MACROD2: variants seen among roughly 807,000 people sequenced by gnomAD.
The protein encoded by MACROD2 is mono-ADP ribosylhydrolase 2, also known as ADP-ribose glycohydrolase MACROD2.
MACROD2 carries 36 observed loss-of-function variants against 70.4 expected under a neutral mutation model. The observed-to-expected ratio is 0.51, with a 90% CI of 0.39 to 0.68. The LOEUF is 0.68. Among genes scored for constraint, MACROD2 ranks in the 30% least tolerant of loss-of-function variants. The probability of loss-of-function intolerance (pLI) is 0.00; values close to 1 mark genes in which losing one functional copy is unlikely to be tolerated. For missense variants in MACROD2, 496 were observed against 538.4 expected (o/e 0.92, Z 0.78); for synonymous variants, 172 against 178.8 (o/e 0.96, Z 0.30).
At chr20:16,008,396 A>C (rs2066818388) in intron 15 of MACROD2, among the ~76,000 whole-genome samples, 1 of 152,206 alleles carries the variant, frequency 6.6e-6, no homozygotes, top group Non-Finnish European at 1.5e-5. Context: ...CATTTGTCTG[A>C]TTCAAAGCTA....
At chr20:15,326,770 G>C (rs1444540585) in intron 6 of MACROD2, among the ~76,000 whole-genome samples, 2 of 152,116 alleles carry the variant, frequency 1.3e-5, no homozygotes, top group Non-Finnish European at 2.9e-5. Context: ...TACAGAAATA[G>C]CCACAGGTGG....
intron 5 of MACROD2, among the ~76,000 whole-genome samples, chr20:15,174,447 A>G (rs2076444774): frequency 1.3e-5 from 2 of 152,222 alleles, no homozygotes; most frequent in African/African-American, 4.8e-5. Flanking sequence ...TATTGTGAAT[A>G]GTGCCGCAAT....
chr20:15,591,433 T>C (rs1016721298), intron 8 of MACROD2, among the ~76,000 whole-genome samples: 1 of 152,056 alleles, frequency 6.6e-6, no homozygotes, highest in African/African-American at 2.4e-5. Context: ...GACAAGAACC[T>C]GACATGACAC....
intron 8 of MACROD2, among the ~76,000 whole-genome samples, chr20:15,590,021 CTG>C (rs977419905): frequency 6.6e-6 from 1 of 152,048 alleles, no homozygotes; most frequent in African/African-American, 2.4e-5. Context: ...TATTTAATCA[CTG>C]TGATATGAGA....
chr20:15,638,735 G>A (rs1187170795), intron 8 of MACROD2, among the ~76,000 whole-genome samples: 1 of 152,192 alleles, frequency 6.6e-6, no homozygotes, highest in Non-Finnish European at 1.5e-5. Flanking sequence ...CTACTTAAGA[G>A]CTGATAATTA....
At chr20:14,113,027 G>T (rs549621495) in intron 3 of MACROD2, among the ~76,000 whole-genome samples, 1 of 152,006 alleles carries the variant, frequency 6.6e-6, no homozygotes, top group African/African-American at 2.4e-5. Flanking sequence ...CCAAATTTGT[G>T]CCTTTTGAAT....
At chr20:15,145,929 A>G (rs1195114453) in intron 5 of MACROD2, among the ~76,000 whole-genome samples, 1 of 152,132 alleles carries the variant, frequency 6.6e-6, no homozygotes, top group Admixed American at 6.6e-5. Context: ...AATTGTTTAT[A>G]ATAAATGCTT....
chr20:15,709,204 C>T (rs892017588), intron 8 of MACROD2, among the ~76,000 whole-genome samples: 2 of 152,212 alleles, frequency 1.3e-5, no homozygotes, highest in East Asian at 1.9e-4. Context: ...GGCGGTGCAC[C>T]GCAAAGTCGG....
chr20:15,560,424 T>G lies in MACROD2; in HGVS notation c.645+60577T>G, dbSNP rs183339825. Among the ~76,000 whole-genome samples, 147 of 152,326 alleles carry G rather than the reference T, an allele frequency of 9.7e-4. 1 individual carries two copies. Among genetic ancestry groups the G allele is most frequent in the African/African-American group, 3.4e-3 (142 of 41,580 alleles). On this transcript the variant is annotated intron_variant, in intron 8 of 17. Coordinates refer to ENST00000684519, the MANE Select transcript of MACROD2 (RefSeq NM_001351661.2). ...GAAAAGATGTAATGCTAGTGCTAGA[T>G]GCTGGGGGGATTTTGCCATTGAAAA...
chr20:14,417,066 C>CTATCATCTATCTATCT (rs1555789653), intron 3 of MACROD2, among the ~76,000 whole-genome samples: 1 of 132,478 alleles, frequency 7.5e-6, no homozygotes, highest in African/African-American at 2.6e-5. Context: ...ATCTATCTAT[C>CTATCATCTATCTATCT]ATCTATCTAT....
At chr20:14,307,491 A>G (rs548091910) in intron 3 of MACROD2, among the ~76,000 whole-genome samples, 1 of 152,250 alleles carries the variant, frequency 6.6e-6, no homozygotes, top group Admixed American at 6.5e-5. Context: ...TGGTTTGAGA[A>G]ACTATTGCTT....
At chr20:15,502,406 A>T (rs1325195792) in intron 8 of MACROD2, among the ~76,000 whole-genome samples, 2 of 152,156 alleles carry the variant, frequency 1.3e-5, no homozygotes, top group African/African-American at 4.8e-5. Context: ...GCAGGAGACA[A>T]GTTTGGAGAA....
At chr20:15,155,546 T>A (rs977029218) in intron 5 of MACROD2, among the ~76,000 whole-genome samples, 10 of 152,206 alleles carry the variant, frequency 6.6e-5, no homozygotes, top group African/African-American at 1.9e-4. Context: ...AGGAACTTAC[T>A]GACTCTTCCT....
At chr20:15,435,272 T>C (rs2046413622) in intron 7 of MACROD2, among the ~76,000 whole-genome samples, 1 of 152,160 alleles carries the variant, frequency 6.6e-6, no homozygotes, top group South Asian at 2.1e-4. Context: ...TAGACATAAC[T>C]TAAAAATATT....
chr20:15,889,224 G>C (rs2064858957), intron 10 of MACROD2, among the ~76,000 whole-genome samples: 1 of 152,142 alleles, frequency 6.6e-6, no homozygotes, highest in Non-Finnish European at 1.5e-5. Context: ...ATGAATAGGA[G>C]AGCTAGGGAG....
intron 5 of MACROD2, among the ~76,000 whole-genome samples, chr20:15,039,375 AC>A (rs1444035004): frequency 6.6e-6 from 1 of 152,126 alleles, no homozygotes; most frequent in African/African-American, 2.4e-5. Flanking sequence ...TCAGAGAGTA[AC>A]CTTTTCTAGG....
chr20:14,979,056 A>G (rs2074772663), intron 5 of MACROD2, among the ~76,000 whole-genome samples: 1 of 150,368 alleles, frequency 6.7e-6, no homozygotes, highest in Non-Finnish European at 1.5e-5. Context: ...GGCTCAAGTG[A>G]TCCTTCGGCA....
chr20:14,102,055 G>C (rs1295590726), intron 3 of MACROD2, among the ~76,000 whole-genome samples: 1 of 126,256 alleles, frequency 7.9e-6, no homozygotes. Flanking sequence ...TCAGGCTGGA[G>C]TGCAGTGGCA....
chr20:14,647,042 C>T (rs758372185), intron 4 of MACROD2, among the ~76,000 whole-genome samples: 1 of 152,144 alleles, frequency 6.6e-6, no homozygotes, highest in Non-Finnish European at 1.5e-5. Flanking sequence ...CAAGCTGGCA[C>T]ACCTCATGTG....
Sources: allele counts gnomAD v4.1 joint callset (sites outside exome capture counted in the v4.1 genomes callset), GRCh38; gene constraint gnomAD v4.1.1; transcripts MANE v1.5; gene names NCBI Gene and HGNC (gene_info 2026-07-23, HGNC 2026-07-21).